The following NELL1 variants were observed in gnomAD, a reference collection of about 807,000 sequenced individuals.
The protein encoded by NELL1 is protein kinase C-binding protein NELL1.
Under a neutral mutation model 107.4 loss-of-function variants are expected in NELL1, and 76 were observed. The ratio of observed to expected loss-of-function variants is 0.71; its 90% CI spans 0.59 to 0.86. The LOEUF (loss-of-function observed/expected upper bound fraction) is 0.86, where lower values mean the gene tolerates loss of function less well. NELL1 is among the 40% of genes least tolerant of loss of function. The probability of loss-of-function intolerance (pLI) is 0.00; values close to 1 mark genes in which losing one functional copy is unlikely to be tolerated. For missense variants in NELL1, 1,024 were observed against 1,005.5 expected (o/e 1.02, Z -0.25); for synonymous variants, 353 against 341.2 (o/e 1.03, Z -0.38).
At chr11:21,177,168 T>G (rs933859263) in intron 13 of NELL1, among the ~76,000 whole-genome samples, 4 of 151,832 alleles carry the variant, frequency 2.6e-5, no homozygotes, top group Admixed American at 6.6e-5. Context: ...TTATGAACTA[T>G]AGTCGCCATG....
At chr11:20,905,498 T>A (rs1357642007) in intron 5 of NELL1, among the ~76,000 whole-genome samples, 1 of 152,132 alleles carries the variant, frequency 6.6e-6, no homozygotes, top group Non-Finnish European at 1.5e-5. Context: ...GTCTCTAATG[T>A]GCTTAAAGAG....
At position 20,959,578 on chromosome 11, in the gene NELL1, AC is replaced by A. The variant is rs531852760; in HGVS notation, c.1172-851del. Among the ~76,000 whole-genome samples the A allele has an allele frequency of 2.2e-3, 338 of 152,256 alleles. 4 individuals are homozygous for A. The highest frequency in any genetic ancestry group is 2.2e-3 in the Non-Finnish European group (150 of 68,016). On this transcript the variant is annotated intron_variant, in intron 11 of 19. Transcript: ENST00000357134. ...GAAGTAACCCAGGAATAGAAAACCA[AC>A]CCTCATATGTTCACATTCATAAGTG...
intron 14 of NELL1, among the ~76,000 whole-genome samples, chr11:21,247,827 C>T (rs970016669): frequency 6.6e-6 from 1 of 152,148 alleles, no homozygotes; most frequent in Non-Finnish European, 1.5e-5. Context: ...AGCATCACCA[C>T]AAACATGTGA....
chr11:20,762,617 C>A (rs1856446106), intron 2 of NELL1, among the ~76,000 whole-genome samples: 1 of 152,056 alleles, frequency 6.6e-6, no homozygotes, highest in South Asian at 2.1e-4. Context: ...TCAGTCACAC[C>A]CATACCCACA....
chr11:20,670,607 A>G (rs1027691556), intron 1 of NELL1: 3 of 152,254 alleles, frequency 2.0e-5, no homozygotes, highest in African/African-American at 7.2e-5. Flanking sequence ...CCCTTGCCCA[A>G]AAGTCCCCTG....
intron 15 of NELL1, among the ~76,000 whole-genome samples, chr11:21,522,863 CGGA>C (rs1855764462): frequency 1.2e-5 from 1 of 81,838 alleles, no homozygotes; most frequent in Non-Finnish European, 2.3e-5. Context: ...TTTTTTGAGA[CGGA>C]GTCTCGCTCT....
intron 15 of NELL1, among the ~76,000 whole-genome samples, chr11:21,459,787 G>A (rs1200143371): frequency 6.6e-6 from 1 of 152,024 alleles, no homozygotes; most frequent in East Asian, 1.9e-4. Flanking sequence ...TGAGGTAGAG[G>A]AGAGGTGGTA....
At chr11:21,528,349 T>C (rs1211983662) in intron 15 of NELL1, among the ~76,000 whole-genome samples, 1 of 151,704 alleles carries the variant, frequency 6.6e-6, no homozygotes, top group African/African-American at 2.4e-5. Context: ...GAGTAGGAGG[T>C]GTTTGGGTCA....
chr11:20,948,325 G>A (rs761966633), intron 11 of NELL1, among the ~76,000 whole-genome samples: 1 of 151,964 alleles, frequency 6.6e-6, no homozygotes, highest in African/African-American at 2.4e-5. Flanking sequence ...GGTGTTGGGA[G>A]TACAGGCATG....
In NELL1 at chr11:20,865,764, T is replaced by C. The variant is rs561749617; in HGVS notation, c.506+18011T>C. On this transcript the variant is annotated intron_variant, in intron 4 of 19. Coordinates refer to ENST00000357134, the MANE Select transcript of NELL1 (RefSeq NM_006157.5). ...CTTTTCCCATCTTCTTTTTACACAC[T>C]GTGAGGTGCCACCATCCCTCACAGT... 7.2e-5 allele frequency among the ~76,000 whole-genome samples: 11 copies of C among 152,272 alleles called. No individual in the cohort carries two copies. The East Asian group carries it at 2.1e-3, about 29-fold the overall frequency.
At chr11:20,755,566 T>A (rs11025741) in intron 2 of NELL1, among the ~76,000 whole-genome samples, 8,748 of 123,132 alleles carry the variant, frequency 0.071, 369 homozygotes, top group Middle Eastern at 0.16. Context: ...GTTTTTGTTT[T>A]TTTTTTTTTG....
intron 12 of NELL1, among the ~76,000 whole-genome samples, chr11:21,001,336 T>C (rs1243826634): frequency 6.6e-6 from 1 of 152,170 alleles, no homozygotes; most frequent in Admixed American, 6.5e-5. Flanking sequence ...AGAGGTGGAT[T>C]CTGTCTTCCG....
At chr11:21,198,190 A>G (rs753388251) in intron 13 of NELL1, among the ~76,000 whole-genome samples, 26 of 152,174 alleles carry the variant, frequency 1.7e-4, no homozygotes, top group South Asian at 4.1e-4. Flanking sequence ...GTGCCTCTCC[A>G]CATGTTCTTG....
intron 12 of NELL1, among the ~76,000 whole-genome samples, chr11:21,013,659 G>A (rs1852500775): frequency 6.6e-6 from 1 of 152,092 alleles, no homozygotes; most frequent in Non-Finnish European, 1.5e-5. Context: ...TACAGAGCTT[G>A]CAGTCTTCCT....
chr11:21,071,967 G>T (rs1224975213), intron 12 of NELL1, among the ~76,000 whole-genome samples: 1 of 152,104 alleles, frequency 6.6e-6, no homozygotes, highest in Non-Finnish European at 1.5e-5. Context: ...TCTTCATTAT[G>T]CTGCCCAATT....
chr11:20,857,827 G>T (rs971994287), intron 4 of NELL1, among the ~76,000 whole-genome samples: 22 of 152,314 alleles, frequency 1.4e-4, no homozygotes, highest in Middle Eastern at 3.4e-3. Flanking sequence ...AACGTGATGT[G>T]CATGTGACCA....
At chr11:21,263,822 CT>C (rs1282705886) in intron 14 of NELL1, among the ~76,000 whole-genome samples, 2 of 151,896 alleles carry the variant, frequency 1.3e-5, no homozygotes, top group East Asian at 3.9e-4. Context: ...GCAGTCATCA[CT>C]CCTTCATCTG....
intron 14 of NELL1, among the ~76,000 whole-genome samples, chr11:21,292,451 A>C (rs963053239): frequency 6.6e-6 from 1 of 152,220 alleles, no homozygotes; most frequent in African/African-American, 2.4e-5. Context: ...ATGCAAAAAC[A>C]TTCCATGCTC....
chr11:21,386,714 C>T (rs970030542), intron 15 of NELL1, among the ~76,000 whole-genome samples: 4 of 151,892 alleles, frequency 2.6e-5, no homozygotes, highest in Non-Finnish European at 5.9e-5. Flanking sequence ...TGCTTGGTCT[C>T]CAGCTATGTG....
Sources: gnomAD v4.1 joint callset for allele counts (sites outside exome capture counted in the v4.1 genomes callset) on GRCh38, gnomAD v4.1.1 for gene constraint, MANE v1.5 for transcripts, NCBI Gene and HGNC (gene_info 2026-07-23, HGNC 2026-07-21) for gene names.